The following DNAH5 variants were observed in gnomAD, a reference collection of about 807,000 sequenced individuals.
DNAH5 encodes dynein axonemal heavy chain 5.
DNAH5 carries 372 observed loss-of-function variants against 518.2 expected under a neutral mutation model. The observed-to-expected ratio is 0.72, with a 90% confidence interval of 0.66 to 0.78. DNAH5 has a LOEUF of 0.78. Ranked by LOEUF, DNAH5 falls within the 30% of genes least tolerant of loss-of-function variation. The probability of loss-of-function intolerance (pLI) is 0.00; values close to 1 mark genes in which losing one functional copy is unlikely to be tolerated. For synonymous variants in DNAH5, 2,039 were observed against 2,025.9 expected (o/e 1.01, Z -0.17); for missense variants, 5,523 against 5,687.0 (o/e 0.97, Z 0.93).
chr5:13,993,545 G>A (rs1052489754), intron 1 of DNAH5, among the ~76,000 whole-genome samples: 3 of 152,170 alleles, frequency 2.0e-5, no homozygotes, highest in Admixed American at 6.5e-5. Flanking sequence ...AAGATCATAC[G>A]GTTAATATGT....
chr5:13,856,276 G>C (rs1561441903), intron 30 of DNAH5, among the ~76,000 whole-genome samples: 1 of 152,074 alleles, frequency 6.6e-6, no homozygotes, highest in Non-Finnish European at 1.5e-5. Flanking sequence ...AGAAAAGAGA[G>C]AAGAATCAAA....
chr5:13,723,525 C>G (rs779969040), intron 70 of DNAH5, among the ~76,000 whole-genome samples: 1 of 152,208 alleles, frequency 6.6e-6, no homozygotes, highest in Non-Finnish European at 1.5e-5. Context: ...AAGCCATGAG[C>G]TAACATGTTA....
intron 31 of DNAH5, among the ~76,000 whole-genome samples, chr5:13,845,590 G>C (rs1765875687): frequency 1.3e-5 from 2 of 152,054 alleles, no homozygotes; most frequent in African/African-American, 4.8e-5. Flanking sequence ...CTTGCTTTCA[G>C]CCGAGCTTTC....
intron 1 of DNAH5, among the ~76,000 whole-genome samples, chr5:14,002,643 AC>A (rs1784442003): frequency 1.6e-4 from 2 of 12,686 alleles, no homozygotes; most frequent in African/African-American, 3.8e-4. Context: ...ACAGATACAT[AC>A]ACACACAGTA....
At chr5:13,718,241 T>G (rs931047559) in intron 72 of DNAH5, among the ~76,000 whole-genome samples, 24 of 152,198 alleles carry the variant, frequency 1.6e-4, no homozygotes, top group Non-Finnish European at 3.1e-4. Flanking sequence ...TGTCCCTATT[T>G]TATATATGAG....
chr5:13,810,143 G>T lies in DNAH5; in HGVS notation c.7525C>A (p.Arg2509Ser). ...DGRRRLELWL[R>S]SRPTGTLELP... ...TCCAGCGTCCCTGTGGGCCGAGAGC[G>T]CAGCCAGAGCTCCAGGCGGCGCCGT... Residue 2509 changes from arginine to serine, a missense_variant, in exon 45 of 79, where the codon CGC becomes AGC. Coordinates refer to ENST00000265104, the MANE Select transcript of DNAH5 (RefSeq NM_001369.3). 1.9e-6 allele frequency: 3 copies of T among 1,548,946 alleles called. No individual in the cohort carries two copies. Among genetic ancestry groups the T allele is most frequent in the South Asian group, 1.2e-5 (1 of 83,984 alleles).
At chr5:14,006,635 C>A (rs1476617521) in intron 1 of DNAH5, among the ~76,000 whole-genome samples, 2 of 152,182 alleles carry the variant, frequency 1.3e-5, no homozygotes, top group African/African-American at 4.8e-5. Flanking sequence ...TCTCCAAATA[C>A]ATTCCAAGGT....
At chr5:13,795,173 T>C (rs1368637141) in intron 47 of DNAH5, among the ~76,000 whole-genome samples, 1 of 151,900 alleles carries the variant, frequency 6.6e-6, no homozygotes, top group African/African-American at 2.4e-5. Context: ...ATTCAAAAGC[T>C]AGCAGAAGGC....
Position 13,842,490 on chromosome 5 carries a change from AAAAG to A in DNAH5, c.5272-590_5272-587del, listed in dbSNP as rs772456113. Among the ~76,000 whole-genome samples the A allele has an allele frequency of 1.2e-4, 13 of 107,936 alleles. 2 individuals are homozygous for A. Among genetic ancestry groups the A allele is most frequent in the Middle Eastern group, 4.0e-3 (1 of 248 alleles). 70.8% of individuals were successfully genotyped at this position (107,936 alleles called of 152,430 possible). A position where few individuals can be genotyped will look rare whatever the true frequency, so the allele number is the denominator to read the frequency against. On this transcript the variant is annotated intron_variant, in intron 32 of 78. Coordinates refer to ENST00000265104, the MANE Select transcript of DNAH5 (RefSeq NM_001369.3). Reference sequence around the variant, plus strand: ...AAGAAAGAAAGAAAGAAAGAGAAAGAAAAGAAAGAAAGAAAGAAAAAGAAAGAAA... The same window carrying A: ...AAGAAAGAAAGAAAGAAAGAGAAAGAAAAGAAAGAAAGAAAAAGAAAGAAA...
At chr5:13,751,610 A>C (rs941930216) in intron 64 of DNAH5, among the ~76,000 whole-genome samples, 4 of 152,206 alleles carry the variant, frequency 2.6e-5, no homozygotes, top group African/African-American at 9.6e-5. Flanking sequence ...GCACCGAAAG[A>C]GTATAAAAAG....
In DNAH5 at chr5:13,850,833, C is replaced by A. The variant is rs1461086140; in HGVS notation, c.4951-18G>T. ...TTGGCTTCCTATGAGAACAAGGTAA[C>A]AAAGCACACTTAGATTTGGACACAT... On this transcript the variant is annotated intron_variant, in intron 30 of 78. Transcript: ENST00000265104. 1.2e-6 allele frequency: 2 copies of A among 1,613,414 alleles called. No homozygotes were observed. Among genetic ancestry groups the A allele is most frequent in the African/African-American group, 2.7e-5 (2 of 74,898 alleles).
At chr5:13,972,435 T>C (rs1781940844) in intron 1 of DNAH5, among the ~76,000 whole-genome samples, 1 of 152,166 alleles carries the variant, frequency 6.6e-6, no homozygotes. Context: ...CCAATTCCAC[T>C]GGCAGCTCTC....
intron 42 of DNAH5, 110 bp from the exon 43 acceptor site, chr5:13,814,956 A>T (rs904648581): frequency 6.7e-5 from 71 of 1,054,606 alleles, no homozygotes; most frequent in Non-Finnish European, 9.2e-5. Context: ...AATTTTCATT[A>T]ATTTTTAAAT....
intron 47 of DNAH5, among the ~76,000 whole-genome samples, chr5:13,804,737 C>G (rs2126979277): frequency 6.6e-6 from 1 of 152,308 alleles, no homozygotes; most frequent in Admixed American, 6.5e-5. Flanking sequence ...CCATGTGTAT[C>G]AGATAATGGG....
At chr5:14,008,927 G>A (rs1308096115) in intron 1 of DNAH5, among the ~76,000 whole-genome samples, 1 of 152,180 alleles carries the variant, frequency 6.6e-6, no homozygotes, top group Non-Finnish European at 1.5e-5. Context: ...CATGCATCGG[G>A]CCTGGCCATG....
rs1299412544 is a variant in DNAH5 at position 13,921,489 on chromosome 5, A to T, written c.660+618T>A. 6.3e-3 allele frequency among the ~76,000 whole-genome samples: 903 copies of T among 143,480 alleles called. 13 individuals carry two copies. Among genetic ancestry groups the T allele is most frequent in the South Asian group, 9.1e-3 (42 of 4,616 alleles). 94.1% of individuals were successfully genotyped at this position (143,480 alleles called of 152,430 possible). ...CTATCTCTCTCTCACACACACACAC[A>T]CACACACACACACACACACACACAC... is the stretch of plus-strand genomic sequence containing the variant. On this transcript the variant is annotated intron_variant, in intron 5 of 78. Coordinates refer to ENST00000265104, the MANE Select transcript of DNAH5 (RefSeq NM_001369.3).
At chr5:13,822,024 C>A (rs1478875739) in intron 40 of DNAH5, among the ~76,000 whole-genome samples, 3 of 151,962 alleles carry the variant, frequency 2.0e-5, no homozygotes, top group East Asian at 3.9e-4. Flanking sequence ...TCAAGTAATC[C>A]CCCAACGTTG....
chr5:13,777,273 T>G lies in DNAH5; in HGVS notation c.9034A>C (p.Ile3012Leu). The G allele has an allele frequency of 6.2e-7, 1 of 1,613,326 alleles. No homozygotes were observed. The highest frequency in any genetic ancestry group is 8.5e-7 in the Non-Finnish European group (1 of 1,179,564). ...TCTTTAATCTCATTGTCTGTGAAAA[T>G]AAAAGTGATTCCTTTGCCTTGCTGA... ...AGQQGKGITF[I>L]FTDNEIKDES... is the part of the protein sequence containing the mutation. The change falls in exon 54 of 79, where the codon ATT becomes CTT. Residue 3012 changes from isoleucine to leucine, a missense_variant. This residue lies in a region of DNAH5 where 5,121 missense variants were observed against 5,223.3 expected (regional missense o/e 0.98). Coordinates refer to ENST00000265104, the MANE Select transcript of DNAH5 (RefSeq NM_001369.3).
At chr5:13,751,770 T>C (rs567853482) in intron 64 of DNAH5, among the ~76,000 whole-genome samples, 5 of 152,050 alleles carry the variant, frequency 3.3e-5, no homozygotes, top group South Asian at 2.1e-4. Flanking sequence ...TTCCCATACA[T>C]AGGTGTGGAC....
Sources: gnomAD v4.1 joint callset for allele counts (sites outside exome capture counted in the v4.1 genomes callset) on GRCh38, gnomAD v4.1.1 for gene constraint, gnomAD v4.1.1 regional missense constraint, MANE v1.5 for transcripts, NCBI Gene and HGNC (gene_info 2026-07-23, HGNC 2026-07-21) for gene names.